Variants in UBA6 observed in about 807,000 individuals in gnomAD.
UBA6 encodes ubiquitin-like modifier-activating enzyme 6.
Under a neutral mutation model 148.3 loss-of-function variants are expected in UBA6, and 87 were observed. The observed-to-expected ratio is 0.59, with a 90% CI of 0.49 to 0.70. The LOEUF (loss-of-function observed/expected upper bound fraction) is 0.70, where lower values mean the gene tolerates loss of function less well. UBA6 is among the 30% of genes least tolerant of loss of function. The pLI, the probability that UBA6 is intolerant of heterozygous loss-of-function variation, is 0.00. For missense variants in UBA6, 1,186 were observed against 1,241.2 expected (o/e 0.96, Z 0.67); for synonymous variants, 376 against 401.0 (o/e 0.94, Z 0.75).
chr4:67,639,149 G>A (rs746026375), intron 18 of UBA6, 25 bp from the exon 19 acceptor site: 1 of 1,571,316 alleles, frequency 6.4e-7, no homozygotes, highest in Admixed American at 1.8e-5. Flanking sequence ...TAAGCAGAAG[G>A]AATATGTTAA....
At chr4:67,620,223 G>A (rs1002129430) in intron 32 of UBA6, among the ~76,000 whole-genome samples, 1 of 152,026 alleles carries the variant, frequency 6.6e-6, no homozygotes, top group Non-Finnish European at 1.5e-5. Flanking sequence ...AAGATACTTA[G>A]GTATCCTAAT....
chr4:67,639,096 G>C lies in UBA6; in HGVS notation c.1583C>G (p.Ala528Gly). Residue 528 changes from alanine (A) to glycine (G), a missense_variant, in exon 19 of 33, where the codon GCT becomes GGT. Ala to Gly is a moderately conservative substitution (Grantham distance 60). Transcript: ENST00000322244. ...TATTTGAGAATTTATTTTCAGAGTAGCATCAGCAGCAGTGTAGCTTTTAGG... is the reference window on the plus strand; with the variant it reads ...TATTTGAGAATTTATTTTCAGAGTACCATCAGCAGCAGTGTAGCTTTTAGG... Reference protein sequence around the residue: ...QKPKSYTAADATLKINSQIKI... With the variant: ...QKPKSYTAADGTLKINSQIKI... The C allele has an allele frequency of 6.2e-7, 1 of 1,612,914 alleles. No individual in the cohort carries two copies. Among genetic ancestry groups the C allele is most frequent in the South Asian group, 1.1e-5 (1 of 91,018 alleles).
intron 19 of UBA6, among the ~76,000 whole-genome samples, chr4:67,637,018 G>A (rs1729167134): frequency 2.0e-5 from 3 of 151,814 alleles, no homozygotes; most frequent in Non-Finnish European, 4.4e-5. Context: ...CATCTGGGAT[G>A]TGAGGAGCGC....
At chr4:67,663,771 T>C in intron 11 of UBA6, 114 bp downstream of exon 11, 1 of 852,744 alleles carries the variant, frequency 1.2e-6, no homozygotes, top group South Asian at 1.4e-5. Flanking sequence ...ACTCACATTA[T>C]AAGGCCCGAC....
At chr4:67,643,257 A>T (rs144139372) in intron 17 of UBA6, among the ~76,000 whole-genome samples, 1 of 152,062 alleles carries the variant, frequency 6.6e-6, no homozygotes, top group East Asian at 1.9e-4. Flanking sequence ...TCTATCATCT[A>T]TAATTCTTAG....
chr4:67,629,017 GT>G, intron 27 of UBA6, 53 bp downstream of exon 27: 1 of 1,249,750 alleles, frequency 8.0e-7, no homozygotes. Context: ...ATGGGACTTG[GT>G]ACAAGTCCAA....
intron 13 of UBA6, among the ~76,000 whole-genome samples, chr4:67,654,410 T>G (rs1040811451): frequency 1.4e-4 from 22 of 152,204 alleles, no homozygotes; most frequent in African/African-American, 5.1e-4. Context: ...AGAATTTTCA[T>G]CCCAGAATTT....
intron 3 of UBA6, among the ~76,000 whole-genome samples, 181 bp from the exon 4 acceptor site, chr4:67,681,772 G>C (rs1730445591): frequency 6.6e-6 from 1 of 152,080 alleles, no homozygotes; most frequent in South Asian, 2.1e-4. Context: ...ATTAAAATGT[G>C]CATAATCACA....
In UBA6 at chr4:67,646,706, G is replaced by T; in HGVS notation, c.1316+18C>A. 1 of 1,590,788 alleles carries T rather than the reference G, an allele frequency of 6.3e-7. No individual in the cohort carries two copies. Among genetic ancestry groups the T allele is most frequent in the South Asian group, 1.1e-5 (1 of 87,762 alleles). On this transcript the variant is annotated intron_variant, in intron 15 of 32. Transcript: ENST00000322244. ...TCTATTTGCCTGTTAGTAAAAGCAAGAGAAATTTCATTATTACCGTGGGAG... is the reference window on the plus strand; with the variant it reads ...TCTATTTGCCTGTTAGTAAAAGCAATAGAAATTTCATTATTACCGTGGGAG...
chr4:67,649,259 G>A lies in UBA6; in HGVS notation c.1105-48C>T, dbSNP rs746827690. 6 of 1,498,068 alleles carry A rather than the reference G, an allele frequency of 4.0e-6. 1 individual carries two copies. The East Asian group carries it at 1.2e-4, about 29-fold the overall frequency. The allele number at this position is 1,498,068 out of a possible 1,614,324, so 92.8% of individuals were successfully genotyped here. On this transcript the variant is annotated intron_variant, in intron 13 of 32. Transcript: ENST00000322244. ...CAATAACATTAACAGCATTTACACA[G>A]TACACTTAAAATTCCAATGACTAAA...
intron 28 of UBA6, 22 bp from the exon 29 acceptor site, chr4:67,625,209 A>G (rs749828697): frequency 1.7e-5 from 26 of 1,558,014 alleles, no homozygotes; most frequent in Non-Finnish European, 2.3e-5. Flanking sequence ...AACCAGATAA[A>G]CAAAGTTCCA....
At chr4:67,648,973 A>T in intron 14 of UBA6, 95 bp downstream of exon 14, 1 of 1,314,532 alleles carries the variant, frequency 7.6e-7, no homozygotes, top group Non-Finnish European at 1.0e-6. Flanking sequence ...AAAGTATTTT[A>T]AGGTCGCTTT....
chr4:67,669,118 A>C (rs1730079177), intron 8 of UBA6, among the ~76,000 whole-genome samples: 1 of 152,214 alleles, frequency 6.6e-6, no homozygotes, highest in Non-Finnish European at 1.5e-5. Flanking sequence ...CAGCTTGCTC[A>C]ACACTTTAAA....
chr4:67,655,946 G>A (rs371536751), intron 13 of UBA6, among the ~76,000 whole-genome samples: 1 of 152,238 alleles, frequency 6.6e-6, no homozygotes, highest in South Asian at 2.1e-4. Flanking sequence ...TACAAGAAAC[G>A]GATAAATTCC....
At chr4:67,645,320 G>T (rs1729396822) in intron 16 of UBA6, among the ~76,000 whole-genome samples, 1 of 152,134 alleles carries the variant, frequency 6.6e-6, no homozygotes, top group African/African-American at 2.4e-5. Flanking sequence ...TACAGAATAG[G>T]CTGGGTGAGG....
intron 27 of UBA6, among the ~76,000 whole-genome samples, chr4:67,627,368 T>G (rs1368651881): frequency 1.3e-5 from 2 of 151,914 alleles, no homozygotes; most frequent in African/African-American, 4.8e-5. Context: ...CGGTGTGAGC[T>G]CCTTTAGGGA....
chr4:67,680,712 G>A (rs928589685), intron 4 of UBA6, among the ~76,000 whole-genome samples: 2 of 152,186 alleles, frequency 1.3e-5, no homozygotes, highest in African/African-American at 2.4e-5. Flanking sequence ...CACCTTGAGT[G>A]TGGCCTGGAC....
chr4:67,647,539 T>G (rs1729447845), intron 14 of UBA6, among the ~76,000 whole-genome samples: 1 of 152,136 alleles, frequency 6.6e-6, no homozygotes, highest in South Asian at 2.1e-4. Flanking sequence ...TATGTGTATG[T>G]GTATGTCATC....
At chr4:67,694,786 A>C (rs1730792953) in intron 2 of UBA6, among the ~76,000 whole-genome samples, 1 of 152,162 alleles carries the variant, frequency 6.6e-6, no homozygotes, top group Non-Finnish European at 1.5e-5. Context: ...TACCCACATA[A>C]ATTTCTGGCT....
Sources: allele counts gnomAD v4.1 joint callset (sites outside exome capture counted in the v4.1 genomes callset), GRCh38; gene constraint gnomAD v4.1.1; transcripts MANE v1.5; gene names NCBI Gene and HGNC (gene_info 2026-07-23, HGNC 2026-07-21).